The following APBB2 variants were observed in gnomAD, a reference collection of about 807,000 sequenced individuals.
APBB2 encodes Fe65-like 1.
In APBB2, 38 loss-of-function variants were observed where a neutral mutation model predicts 82.5. The ratio of observed to expected loss-of-function variants is 0.46; its 90% CI spans 0.36 to 0.60. The LOEUF is 0.60. Ranked by LOEUF, APBB2 falls within the 20% of genes least tolerant of loss-of-function variation. APBB2 has a pLI of 0.00. For synonymous variants in APBB2, 341 were observed against 368.2 expected (o/e 0.93, Z 0.85); for missense variants, 772 against 972.3 (o/e 0.79, Z 2.74).
At chr4:41,021,536 C>A (rs1389158973) in intron 5 of APBB2, among the ~76,000 whole-genome samples, 3 of 152,172 alleles carry the variant, frequency 2.0e-5, no homozygotes, top group African/African-American at 7.2e-5. Flanking sequence ...ATTGTAAACA[C>A]ACCAATCAGC....
At chr4:41,179,177 T>A (rs1317910984) in intron 1 of APBB2, among the ~76,000 whole-genome samples, 1 of 152,208 alleles carries the variant, frequency 6.6e-6, no homozygotes, top group Non-Finnish European at 1.5e-5. Context: ...AGTGTGAGGT[T>A]CCAAGGAGAA....
chr4:40,839,651 T>C (rs977279228), intron 12 of APBB2, among the ~76,000 whole-genome samples: 2 of 152,042 alleles, frequency 1.3e-5, no homozygotes, highest in Non-Finnish European at 2.9e-5. Context: ...TCCTTATCCA[T>C]GAGGGATTTT....
In APBB2 at chr4:41,010,266, A is replaced by G. The variant is rs578054801; in HGVS notation, c.835+3317T>C. ...TCATTGCTTTTCGGTCACAGCTAAT[A>G]CATTTTTTCGAGCATATTTGATTTG... is the stretch of plus-strand genomic sequence containing the variant. On this transcript the variant is annotated intron_variant, in intron 6 of 17. Transcript: ENST00000508593. Among the ~76,000 whole-genome samples the G allele has an allele frequency of 3.9e-5, 6 of 152,330 alleles. No homozygotes were observed. In the South Asian group the frequency reaches 1.2e-3, roughly 32 times the overall value.
At chr4:40,842,418 G>A (rs1053169171) in intron 12 of APBB2, 13 of 452,938 alleles carry the variant, frequency 2.9e-5, no homozygotes, top group African/African-American at 1.2e-4. Context: ...GAAACAACAC[G>A]TTAGCATTCA....
intron 6 of APBB2, among the ~76,000 whole-genome samples, chr4:41,007,792 TGTGCCACATACC>T (rs1445740153): frequency 2.0e-5 from 3 of 152,248 alleles, no homozygotes; most frequent in African/African-American, 4.8e-5. Context: ...CCTTTTACTA[TGTGCCACATACC>T]GTGTGAAGAA....
chr4:41,052,465 G>A (rs775667674), intron 4 of APBB2, among the ~76,000 whole-genome samples: 4 of 152,106 alleles, frequency 2.6e-5, no homozygotes, highest in Non-Finnish European at 4.4e-5. Context: ...CTGGGATGCC[G>A]TGTCATATCA....
At chr4:41,020,701 A>G (rs1351044394) in intron 5 of APBB2, among the ~76,000 whole-genome samples, 2 of 152,270 alleles carry the variant, frequency 1.3e-5, no homozygotes, top group Admixed American at 1.3e-4. Flanking sequence ...AAAAGTTAAC[A>G]GTGTAACATG....
intron 1 of APBB2, among the ~76,000 whole-genome samples, chr4:41,182,568 C>A (rs1213472600): frequency 2.6e-5 from 4 of 152,202 alleles, no homozygotes; most frequent in African/African-American, 9.7e-5. Flanking sequence ...TCAATATCAT[C>A]ACATGAATAG....
intron 3 of APBB2, among the ~76,000 whole-genome samples, chr4:41,074,338 T>C (rs1244407218): frequency 2.0e-5 from 3 of 152,200 alleles, no homozygotes. Context: ...ATTTGAGCTA[T>C]GATAATGAGA....
At position 40,813,450 on chromosome 4, in the gene APBB2, C is replaced by G. The variant is rs1577611386; in HGVS notation, c.*2642G>C. Reference sequence around the variant, plus strand: ...AGTGTCACTAAGATATCAGGTAAAACATTGGCATCCTTTTACAAACAAATA... The same window carrying G: ...AGTGTCACTAAGATATCAGGTAAAAGATTGGCATCCTTTTACAAACAAATA... On this transcript the variant is annotated 3_prime_UTR_variant, in exon 18 of 18. Coordinates refer to ENST00000508593, the MANE Select transcript of APBB2 (RefSeq NM_004307.2). 1 of 152,164 alleles carries G rather than the reference C, an allele frequency of 6.6e-6. No homozygotes were observed. Among genetic ancestry groups the G allele is most frequent in the African/African-American group, 2.4e-5 (1 of 41,436 alleles). The allele number at this position is 152,164 out of a possible 1,614,324, so 9.4% of individuals were successfully genotyped here. A position where few individuals can be genotyped will look rare whatever the true frequency, so the allele number is the denominator to read the frequency against.
At chr4:40,906,180 G>A (rs1776645465) in intron 10 of APBB2, among the ~76,000 whole-genome samples, 1 of 152,062 alleles carries the variant, frequency 6.6e-6, no homozygotes, top group African/African-American at 2.4e-5. Flanking sequence ...TTCTCAGCTG[G>A]GCACAGTGGC....
chr4:41,003,674 T>C (rs532977589), intron 6 of APBB2, among the ~76,000 whole-genome samples: 4 of 152,196 alleles, frequency 2.6e-5, no homozygotes, highest in Non-Finnish European at 4.4e-5. Flanking sequence ...GATTCTACCC[T>C]AAAGCCTTCA....
intron 15 of APBB2, among the ~76,000 whole-genome samples, chr4:40,824,743 G>T (rs1749288007): frequency 6.6e-6 from 1 of 152,080 alleles, no homozygotes; most frequent in Non-Finnish European, 1.5e-5. Flanking sequence ...CACCTGCCTT[G>T]GCTTCCCAAA....
chr4:41,107,774 T>C (rs1180814343), intron 2 of APBB2, among the ~76,000 whole-genome samples: 3 of 152,112 alleles, frequency 2.0e-5, no homozygotes, highest in Admixed American at 6.5e-5. Flanking sequence ...CAAAACCAGA[T>C]TGTGATACAT....
At chr4:40,927,955 G>A (rs1434426825) in intron 10 of APBB2, among the ~76,000 whole-genome samples, 3 of 152,168 alleles carry the variant, frequency 2.0e-5, no homozygotes, top group Non-Finnish European at 4.4e-5. Context: ...GTTTTTATTT[G>A]AATGTTAATC....
chr4:40,840,988 C>T (rs1351139605), intron 12 of APBB2, among the ~76,000 whole-genome samples: 2 of 152,208 alleles, frequency 1.3e-5, no homozygotes, highest in African/African-American at 2.4e-5. Context: ...CCAGAACTTT[C>T]CACCACCTGC....
intron 6 of APBB2, among the ~76,000 whole-genome samples, chr4:40,977,205 T>C (rs1797382378): frequency 6.6e-6 from 1 of 152,188 alleles, no homozygotes; most frequent in Non-Finnish European, 1.5e-5. Flanking sequence ...AGCACCTTGC[T>C]AGATGCTGAA....
At chr4:41,163,874 C>T (rs1765809885) in intron 1 of APBB2, among the ~76,000 whole-genome samples, 1 of 152,118 alleles carries the variant, frequency 6.6e-6, no homozygotes, top group Non-Finnish European at 1.5e-5. Flanking sequence ...TACTCCAAAA[C>T]CTCAAATAAC....
chr4:41,174,854 A>G (rs1408265388), intron 1 of APBB2, among the ~76,000 whole-genome samples: 1 of 152,240 alleles, frequency 6.6e-6, no homozygotes, highest in Non-Finnish European at 1.5e-5. Flanking sequence ...ATAAATTTAC[A>G]GGATATATTG....
Sources: allele counts gnomAD v4.1 joint callset (sites outside exome capture counted in the v4.1 genomes callset), GRCh38; gene constraint gnomAD v4.1.1; transcripts MANE v1.5; gene names NCBI Gene and HGNC (gene_info 2026-07-23, HGNC 2026-07-21).